DGKZ: variants seen among roughly 807,000 people sequenced by gnomAD.
DGKZ encodes DAG kinase zeta.
In DGKZ, 45 loss-of-function variants were observed where a neutral mutation model predicts 142.5. The observed-to-expected ratio is 0.32, with a 90% CI of 0.25 to 0.40. DGKZ has a LOEUF of 0.40. DGKZ is among the 10% of genes least tolerant of loss of function. The pLI, the probability that DGKZ is intolerant of heterozygous loss-of-function variation, is 1.00. For synonymous variants in DGKZ, 442 were observed against 527.0 expected, an observed-to-expected ratio of 0.84 and a Z score of 2.21; for missense variants, 755 against 1,306.5, an observed-to-expected ratio of 0.58 and a Z score of 6.51.
At chr11:46,333,244 C>A in exon 1 of DGKZ, 3 of 1,245,022 alleles carry the variant, frequency 2.4e-6, no homozygotes, top group Non-Finnish European at 3.0e-6. Context: ...CCCGAAAGGC[C>A]GCAGGAGCCG....
chr11:46,369,715 G>A (rs887450137), intron 5 of DGKZ, 165 bp downstream of exon 5: 52 of 978,692 alleles, frequency 5.3e-5, no homozygotes, highest in Non-Finnish European at 7.3e-5. Context: ...CGCTGCCTGC[G>A]GAGTGGGTGG....
exon 1 of DGKZ, chr11:46,333,065 A>C: frequency 2.7e-6 from 1 of 366,898 alleles, no homozygotes; most frequent in Non-Finnish European, 4.7e-6. Context: ...GCCCCCCCGG[A>C]GCGCAGGAGG....
chr11:46,359,691 C>T (rs1417958406), intron 1 of DGKZ, among the ~76,000 whole-genome samples: 2 of 151,838 alleles, frequency 1.3e-5, no homozygotes, highest in Non-Finnish European at 2.9e-5. Flanking sequence ...GCAGCCTCCG[C>T]TTCCCAGGTT....
intron 1 of DGKZ, among the ~76,000 whole-genome samples, chr11:46,359,806 C>T (rs577350063): frequency 2.8e-5 from 4 of 141,386 alleles, no homozygotes; most frequent in South Asian, 2.2e-4. Flanking sequence ...TTAGTAGAGA[C>T]GGGGTTTTGC....
upstream of DGKZ, among the ~76,000 whole-genome samples, chr11:46,346,356 T>G (rs1940613986): frequency 6.6e-6 from 1 of 151,888 alleles, no homozygotes; most frequent in Non-Finnish European, 1.5e-5. Context: ...TTTGGGGAGG[T>G]GGAAGACCAT....
chr11:46,348,024 G>A (rs552423462), intron 1 of DGKZ, among the ~76,000 whole-genome samples: 1 of 152,152 alleles, frequency 6.6e-6, no homozygotes, highest in African/African-American at 2.4e-5. Flanking sequence ...GGGCGGGATC[G>A]GTCGGCTTGG....
At chr11:46,363,175 A>G (rs911550182) in intron 1 of DGKZ, among the ~76,000 whole-genome samples, 6 of 152,330 alleles carry the variant, frequency 3.9e-5, no homozygotes, top group East Asian at 1.9e-4. Context: ...GCGGGCTCCA[A>G]CAAGGCCCAG....
intron 26 of DGKZ, 69 bp from the exon 27 acceptor site, chr11:46,378,388 C>G (rs1944804876): frequency 6.4e-7 from 1 of 1,556,096 alleles, no homozygotes; most frequent in Admixed American, 1.8e-5. Context: ...CGGCACAGTC[C>G]TGTCCACTGA....
exon 8 of DGKZ, chr11:46,371,557 C>A: frequency 1.2e-5 from 19 of 1,610,836 alleles, no homozygotes; most frequent in Non-Finnish European, 1.5e-5. Context: ...GTCCACGCAG[C>A]CGTGGTCATC....
chr11:46,364,998 G>A (rs1943090891), intron 1 of DGKZ: 6 of 985,472 alleles, frequency 6.1e-6, no homozygotes, highest in Non-Finnish European at 7.2e-6. Flanking sequence ...TGGAGGCATC[G>A]CCAGCCTGAT....
chr11:46,357,818 G>A (rs1315911050), intron 1 of DGKZ, among the ~76,000 whole-genome samples: 1 of 152,258 alleles, frequency 6.6e-6, no homozygotes, highest in Admixed American at 6.5e-5. Flanking sequence ...TGAGCAGGCA[G>A]CTGCTTATCA....
At chr11:46,369,546 G>T (rs370663840) in exon 5 of DGKZ, 2 of 1,612,748 alleles carry the variant, frequency 1.2e-6, no homozygotes, top group East Asian at 2.2e-5. Context: ...AGGAATGTCC[G>T]CGAGGTAAGT....
chr11:46,345,325 G>C, upstream of DGKZ: 2 of 1,383,920 alleles, frequency 1.4e-6, no homozygotes, highest in South Asian at 1.7e-5. This position sits in a 1 kb window ranked among gnomAD's most constrained non-coding sequence, Gnocchi z 4.1. Flanking sequence ...CCTCAGCTTG[G>C]GCGGCCAGCG....
chr11:46,350,149 A>G (rs1162388826), intron 1 of DGKZ, among the ~76,000 whole-genome samples: 1 of 152,178 alleles, frequency 6.6e-6, no homozygotes, highest in Non-Finnish European at 1.5e-5. Flanking sequence ...AAATGAATAC[A>G]TTCAGAGAAC....
At chr11:46,378,026 C>T (rs1054757422) in intron 25 of DGKZ, 172 bp from the exon 26 acceptor site, 4 of 764,244 alleles carry the variant, frequency 5.2e-6, no homozygotes, top group Non-Finnish European at 6.5e-6. Flanking sequence ...GAGGGCAAGG[C>T]CTTCCTCTGT....
chr11:46,368,138 C>G (rs754498270), intron 4 of DGKZ, 59 bp downstream of exon 4: 1 of 1,549,970 alleles, frequency 6.5e-7, no homozygotes, highest in Non-Finnish European at 8.9e-7. Context: ...GCCCTTTCAG[C>G]GCGCACTCAC....
At chr11:46,360,712 G>C (rs1213074782) in intron 1 of DGKZ, among the ~76,000 whole-genome samples, 2 of 152,116 alleles carry the variant, frequency 1.3e-5, no homozygotes, top group Non-Finnish European at 2.9e-5. Flanking sequence ...TCTGAACCCG[G>C]GAGGCGGAGG....
intron 14 of DGKZ, among the ~76,000 whole-genome samples, chr11:46,373,647 G>A (rs1287306414): frequency 6.6e-6 from 1 of 151,930 alleles, no homozygotes; most frequent in Non-Finnish European, 1.5e-5. Context: ...ACAGGCACCC[G>A]CCACCACACC....
intron 1 of DGKZ, among the ~76,000 whole-genome samples, chr11:46,335,848 C>A (rs1385069408): frequency 6.6e-6 from 1 of 152,190 alleles, no homozygotes; most frequent in Non-Finnish European, 1.5e-5. Flanking sequence ...CAACTAAGCC[C>A]TCTCTTGTGG....
Sources: gnomAD v4.1 joint callset for allele counts (sites outside exome capture counted in the v4.1 genomes callset) on GRCh38, gnomAD v4.1.1 for gene constraint, Gnocchi (gnomAD v3.1) non-coding constraint, MANE v1.5 for transcripts, NCBI Gene and HGNC (gene_info 2026-07-23, HGNC 2026-07-21) for gene names.